AKAP10: variants seen among roughly 807,000 people sequenced by gnomAD.
AKAP10 encodes A-kinase anchoring protein 10, also known as A-kinase anchor protein 10, mitochondrial.
AKAP10 carries 24 observed loss-of-function variants against 80.8 expected under a neutral mutation model. The observed-to-expected ratio is 0.30, with a 90% CI of 0.22 to 0.42. The LOEUF is 0.42. AKAP10 is among the 10% of genes least tolerant of loss of function. The pLI is 1.00. For missense variants in AKAP10, 661 were observed against 794.9 expected, an observed-to-expected ratio of 0.83 and a Z score of 2.03; for synonymous variants, 291 against 277.7, an observed-to-expected ratio of 1.05 and a Z score of -0.48.
At position 19,962,892 on chromosome 17, in the gene AKAP10, G is replaced by C; in HGVS notation, c.267C>G (p.Ala89=). 6.2e-7 allele frequency: 1 copy of C among 1,614,152 alleles called. No individual in the cohort carries two copies. The highest frequency in any genetic ancestry group is 1.3e-5 in the African/African-American group (1 of 75,046). Residue 89 remains alanine, a synonymous_variant, in exon 3 of 15, where the codon GCC becomes GCG. Transcript: ENST00000225737. ...NMDSFSSSRT[A]TLKKQPSHME... is the part of the protein sequence containing the mutation. ...TGTGGCTTGGCTGCTTCTTAAGTGTGGCTGTCCTGCTACTTGAAAAGGAGT... is the reference window on the plus strand; with the variant it reads ...TGTGGCTTGGCTGCTTCTTAAGTGTCGCTGTCCTGCTACTTGAAAAGGAGT...
At chr17:19,928,832 T>G (rs565388250) in intron 10 of AKAP10, among the ~76,000 whole-genome samples, 48 of 152,272 alleles carry the variant, frequency 3.2e-4, no homozygotes, top group African/African-American at 1.1e-3. Flanking sequence ...ATTGTGCCAC[T>G]GCACTCCAGC....
intron 3 of AKAP10, among the ~76,000 whole-genome samples, chr17:19,961,510 G>C (rs1250376761): frequency 6.6e-6 from 1 of 152,142 alleles, no homozygotes. Context: ...TGCTAAGTGT[G>C]CCCCACAAAC....
At chr17:19,977,019 G>C (rs965215638) in intron 1 of AKAP10, among the ~76,000 whole-genome samples, 1 of 151,614 alleles carries the variant, frequency 6.6e-6, no homozygotes, top group Non-Finnish European at 1.5e-5. Context: ...TCGTTTGTAA[G>C]TTAGGGTTCC....
chr17:19,956,245 A>G (rs1346343468), intron 4 of AKAP10, among the ~76,000 whole-genome samples: 1 of 152,222 alleles, frequency 6.6e-6, no homozygotes, highest in Non-Finnish European at 1.5e-5. Flanking sequence ...CCCCAGGTGC[A>G]TGGCAAAAGA....
intron 4 of AKAP10, 21 bp from the exon 5 acceptor site, chr17:19,947,526 T>C: frequency 6.3e-7 from 1 of 1,575,558 alleles, no homozygotes; most frequent in Non-Finnish European, 8.7e-7. Flanking sequence ...AGAAGAGAAC[T>C]TCAAAAACCA....
At chr17:19,945,375 A>G (rs2043092740) in intron 5 of AKAP10, among the ~76,000 whole-genome samples, 1 of 152,180 alleles carries the variant, frequency 6.6e-6, no homozygotes, top group African/African-American at 2.4e-5. Flanking sequence ...AAACAGGCAA[A>G]CTCTAATCAG....
rs757470641 is a variant in AKAP10 at position 19,958,557 on chromosome 17, C to T, written c.334G>A (p.Asp112Asn). Residue 112 changes from aspartate (D) to asparagine (N), a missense_variant, in exon 4 of 15, where the codon GAC becomes AAC. Asp to Asn is a conservative substitution (Grantham distance 23). Transcript: ENST00000225737. ...GATTTGGTCTCTTGAGTCTGGTAGT[C>T]CAGACAAGATCTGCCTAAAAGATAG... is the stretch of plus-strand genomic sequence containing the variant. Reference protein sequence around the residue: ...HFGDLGRSCLDYQTQETKSSL... With the variant: ...HFGDLGRSCLNYQTQETKSSL... The T allele has an allele frequency of 3.7e-6, 6 of 1,600,030 alleles. No homozygotes were observed. Among genetic ancestry groups the T allele is most frequent in the South Asian group, 3.3e-5 (3 of 90,522 alleles).
chr17:19,952,017 GTAATA>G (rs1410744355), intron 4 of AKAP10, among the ~76,000 whole-genome samples: 2 of 149,230 alleles, frequency 1.3e-5, no homozygotes, highest in African/African-American at 4.9e-5. Context: ...ATTATTATGA[GTAATA>G]TAATTATATT....
In AKAP10 at chr17:19,906,213, T is replaced by A; in HGVS notation, c.*14A>T. ...ATTTTTCACAAGCAGATTTCCTTTA[T>A]CTCAAGTTTTGAGTCATAACTGAAA... is the stretch of plus-strand genomic sequence containing the variant. On this transcript the variant is annotated 3_prime_UTR_variant, in exon 15 of 15. Transcript: ENST00000225737. The A allele has an allele frequency of 6.2e-7, 1 of 1,607,822 alleles. No individual in the cohort carries two copies. The highest frequency in any genetic ancestry group is 8.5e-7 in the Non-Finnish European group (1 of 1,177,560).
intron 2 of AKAP10, chr17:19,968,026 C>T (rs573531639): frequency 5.9e-4 from 94 of 158,892 alleles, no homozygotes; most frequent in Non-Finnish European, 9.0e-4. Context: ...TGGTGAAACT[C>T]TGTCTCTACT....
At chr17:19,941,152 G>T in intron 6 of AKAP10, 142 bp from the exon 7 acceptor site, 2 of 857,716 alleles carry the variant, frequency 2.3e-6, no homozygotes, top group Non-Finnish European at 3.4e-6. Context: ...TGTCATTCCT[G>T]ATTCCTTTAC....
At chr17:19,950,025 G>A (rs988340940) in intron 4 of AKAP10, among the ~76,000 whole-genome samples, 1 of 152,066 alleles carries the variant, frequency 6.6e-6, no homozygotes, top group African/African-American at 2.4e-5. Context: ...GAAAAAGGCA[G>A]GGCATGGTGG....
chr17:19,912,969 A>G (rs1001641813), intron 12 of AKAP10, among the ~76,000 whole-genome samples: 73 of 150,600 alleles, frequency 4.8e-4, no homozygotes, highest in African/African-American at 1.8e-3. Flanking sequence ...ACATTCCTCA[A>G]TTTCTTTCTT....
At chr17:19,962,297 C>CAT (rs1371340248) in intron 3 of AKAP10, among the ~76,000 whole-genome samples, 4 of 64,598 alleles carry the variant, frequency 6.2e-5, no homozygotes, top group African/African-American at 2.1e-4. Context: ...CATACATATA[C>CAT]ACACACACAC....
At position 19,939,782 on chromosome 17, in the gene AKAP10, T is replaced by G; in HGVS notation, c.1253A>C (p.Gln418Pro). ...FWLAADNFQS[Q>P]LAAKKGQYDG... Reference sequence around the variant, plus strand: ...ATATTGGCCCTTTTTGGCAGCAAGCTGAGACTGGAAGTTATCTGCTGCCAA... The same window carrying G: ...ATATTGGCCCTTTTTGGCAGCAAGCGGAGACTGGAAGTTATCTGCTGCCAA... The change falls in exon 8 of 15, where the codon CAG becomes CCG. Residue 418 changes from glutamine (Q) to proline (P), a missense_variant. Gln to Pro is a moderately conservative substitution (Grantham distance 76). Coordinates refer to ENST00000225737, the MANE Select transcript of AKAP10 (RefSeq NM_007202.4). The G allele has an allele frequency of 6.2e-7, 1 of 1,614,102 alleles. No homozygotes were observed.
chr17:19,931,252 A>G (rs2042929053), intron 10 of AKAP10, among the ~76,000 whole-genome samples: 1 of 152,188 alleles, frequency 6.6e-6, no homozygotes. Flanking sequence ...ATATTACTTG[A>G]TTTATTAAGA....
chr17:19,927,131 G>C (rs1597496629), intron 10 of AKAP10, among the ~76,000 whole-genome samples: 1 of 152,138 alleles, frequency 6.6e-6, no homozygotes, highest in South Asian at 2.1e-4. Flanking sequence ...TGAGCCTAGA[G>C]TTTGAGACCA....
At chr17:19,924,847 C>T (rs1259353133) in intron 10 of AKAP10, among the ~76,000 whole-genome samples, 1 of 152,140 alleles carries the variant, frequency 6.6e-6, no homozygotes, top group Non-Finnish European at 1.5e-5. Flanking sequence ...TCAGAAAGTG[C>T]TGGGATTACA....
intron 1 of AKAP10, among the ~76,000 whole-genome samples, chr17:19,970,657 T>C (rs1304856190): frequency 6.6e-6 from 1 of 152,038 alleles, no homozygotes; most frequent in Non-Finnish European, 1.5e-5. Context: ...ACCCTGTCTC[T>C]ACTGAAAACA....
Sources: gnomAD v4.1 joint callset for allele counts (sites outside exome capture counted in the v4.1 genomes callset) on GRCh38, gnomAD v4.1.1 for gene constraint, MANE v1.5 for transcripts, NCBI Gene and HGNC (gene_info 2026-07-23, HGNC 2026-07-21) for gene names.